Variants in PPFIA2 observed in about 807,000 individuals in gnomAD.
PPFIA2 encodes PPFI scaffold protein A2.
A neutral mutation model predicts 175.5 loss-of-function variants in PPFIA2; 46 were observed. That is an observed-to-expected ratio of 0.26 (90% CI 0.21 to 0.34). The LOEUF (loss-of-function observed/expected upper bound fraction) is 0.34, where lower values mean the gene tolerates loss of function less well. Ranked by LOEUF, PPFIA2 falls within the 10% of genes least tolerant of loss-of-function variation. The pLI, the probability that PPFIA2 is intolerant of heterozygous loss-of-function variation, is 1.00. For missense variants in PPFIA2, 1,179 were observed against 1,506.1 expected (o/e 0.78, Z 3.60); for synonymous variants, 568 against 511.4 (o/e 1.11, Z -1.49).
intron 24 of PPFIA2, among the ~76,000 whole-genome samples, chr12:81,287,617 G>T (rs1242399293): frequency 2.0e-5 from 3 of 151,896 alleles, no homozygotes; most frequent in South Asian, 2.1e-4. Flanking sequence ...GACATTAACT[G>T]AAGTTTTAAC....
chr12:81,348,604 T>TGG (rs2140688334), intron 17 of PPFIA2, among the ~76,000 whole-genome samples: 1 of 151,952 alleles, frequency 6.6e-6, no homozygotes, highest in African/African-American at 2.4e-5. Flanking sequence ...GGCATGGTGG[T>TGG]GCATGCCTGT....
At chr12:81,335,228 T>C (rs1259234535) in intron 21 of PPFIA2, among the ~76,000 whole-genome samples, 1 of 152,078 alleles carries the variant, frequency 6.6e-6, no homozygotes, top group Admixed American at 6.6e-5. Flanking sequence ...TGAGCATATT[T>C]GAGCAATAAT....
chr12:81,465,768 C>CA (rs760275880), intron 4 of PPFIA2, among the ~76,000 whole-genome samples: 8 of 151,834 alleles, frequency 5.3e-5, no homozygotes, highest in Non-Finnish European at 1.0e-4. Flanking sequence ...AACAAAGCAA[C>CA]AAAAAGATAA....
chr12:81,508,528 A>AT (rs1471585084), intron 4 of PPFIA2, among the ~76,000 whole-genome samples: 1 of 149,038 alleles, frequency 6.7e-6, no homozygotes, highest in African/African-American at 2.5e-5. Context: ...CCTCAAAAAA[A>AT]AAAAAAAAAA....
chr12:81,677,076 T>C (rs182137388), intron 3 of PPFIA2, among the ~76,000 whole-genome samples: 118 of 152,148 alleles, frequency 7.8e-4, no homozygotes, highest in African/African-American at 2.6e-3. Context: ...AACAGATTTT[T>C]TTAAATATGC....
At chr12:81,399,290 CAAAAAAAAAAAAAA>C (rs543794696) in intron 8 of PPFIA2, among the ~76,000 whole-genome samples, 3 of 42,000 alleles carry the variant, frequency 7.1e-5, no homozygotes, top group African/African-American at 2.5e-4. Flanking sequence ...TCCTTCTTCA[CAAAAAAAAAAAAAA>C]AAAAAAAAAA....
At chr12:81,568,926 A>C (rs1410495858) in intron 4 of PPFIA2, among the ~76,000 whole-genome samples, 1 of 152,160 alleles carries the variant, frequency 6.6e-6, no homozygotes, top group African/African-American at 2.4e-5. Flanking sequence ...AAAGATAAAT[A>C]TTCATATTTA....
intron 4 of PPFIA2, among the ~76,000 whole-genome samples, chr12:81,458,425 A>G (rs1486416133): frequency 6.6e-6 from 1 of 151,804 alleles, no homozygotes; most frequent in African/African-American, 2.4e-5. Context: ...TAATTTGCGT[A>G]TTGCTCAGTC....
intron 9 of PPFIA2, among the ~76,000 whole-genome samples, chr12:81,379,750 T>A (rs1369308578): frequency 6.6e-6 from 1 of 152,160 alleles, no homozygotes; most frequent in African/African-American, 2.4e-5. Context: ...TAAAATGAAA[T>A]TAAATTTTGG....
At chr12:81,396,602 G>A (rs976644370) in intron 8 of PPFIA2, among the ~76,000 whole-genome samples, 1 of 152,006 alleles carries the variant, frequency 6.6e-6, no homozygotes, top group African/African-American at 2.4e-5. Flanking sequence ...TTGAGCAGAC[G>A]ATTGATGTGT....
At chr12:81,289,306 A>T (rs963767856) in intron 24 of PPFIA2, among the ~76,000 whole-genome samples, 1 of 151,874 alleles carries the variant, frequency 6.6e-6, no homozygotes, top group Non-Finnish European at 1.5e-5. Flanking sequence ...CACTGAGCTG[A>T]CTAATGCCTA....
intron 4 of PPFIA2, among the ~76,000 whole-genome samples, chr12:81,475,659 T>C (rs1220501109): frequency 6.6e-6 from 1 of 152,182 alleles, no homozygotes; most frequent in Non-Finnish European, 1.5e-5. Flanking sequence ...CTAGGCACTA[T>C]GAATCAAGGA....
At chr12:81,636,422 C>T (rs1225975498) in intron 4 of PPFIA2, among the ~76,000 whole-genome samples, 3 of 150,972 alleles carry the variant, frequency 2.0e-5, no homozygotes, top group East Asian at 3.9e-4. Context: ...CCCGCTACCA[C>T]GCCCGGCTAA....
chr12:81,584,649 C>A (rs1371048706), intron 4 of PPFIA2, among the ~76,000 whole-genome samples: 1 of 150,320 alleles, frequency 6.7e-6, no homozygotes, highest in Admixed American at 6.8e-5. Flanking sequence ...CTTACTGCTC[C>A]TAGGCCACAA....
chr12:81,284,986 T>C (rs1231926841), intron 24 of PPFIA2, among the ~76,000 whole-genome samples: 1 of 152,208 alleles, frequency 6.6e-6, no homozygotes, highest in Non-Finnish European at 1.5e-5. Flanking sequence ...AAAATCCATA[T>C]ATTTCCTAAT....
intron 22 of PPFIA2, among the ~76,000 whole-genome samples, chr12:81,309,956 A>G (rs2050354607): frequency 6.6e-6 from 1 of 152,106 alleles, no homozygotes; most frequent in Non-Finnish European, 1.5e-5. Context: ...CTCCCCATTA[A>G]ACAATTTCAC....
rs60560777 is a variant in PPFIA2 at position 81,386,120 on chromosome 12, TA to T, written c.763-1877del. Among the ~76,000 whole-genome samples the T allele has an allele frequency of 1.3e-3, 178 of 139,650 alleles. 1 individual carries two copies. The highest frequency in any genetic ancestry group is 3.6e-3 in the Middle Eastern group (1 of 280). 91.6% of individuals were successfully genotyped at this position (139,650 alleles called of 152,430 possible). ...CAAGGCCTCATTTCTAGAAAAAAAT[TA>T]AAAAAAAAAAATAGGGTGTGGTGGC... On this transcript the variant is annotated intron_variant, in intron 8 of 32. Coordinates refer to ENST00000549396, the MANE Select transcript of PPFIA2 (RefSeq NM_003625.5).
chr12:81,656,540 G>C (rs913859541), intron 4 of PPFIA2, among the ~76,000 whole-genome samples: 2 of 151,978 alleles, frequency 1.3e-5, no homozygotes, highest in African/African-American at 2.4e-5. Flanking sequence ...TTTTGCAGAA[G>C]GAGTTGTCAA....
intron 7 of PPFIA2, chr12:81,417,187 C>G (rs933874742): frequency 6.6e-6 from 1 of 151,570 alleles, no homozygotes; most frequent in Non-Finnish European, 1.5e-5. Context: ...TAACATTCTG[C>G]TTTAATAATC....
Sources: gnomAD v4.1 joint callset for allele counts (sites outside exome capture counted in the v4.1 genomes callset) on GRCh38, gnomAD v4.1.1 for gene constraint, MANE v1.5 for transcripts, NCBI Gene and HGNC (gene_info 2026-07-23, HGNC 2026-07-21) for gene names.